Variants in SCARA5 observed in about 807,000 individuals in gnomAD.
The protein encoded by SCARA5 is scavenger receptor class A, member 5 (putative).
A neutral mutation model predicts 46.3 loss-of-function variants in SCARA5; 45 were observed. That is an observed-to-expected ratio of 0.97 (90% CI 0.76 to 1.24). The LOEUF (loss-of-function observed/expected upper bound fraction) is 1.24, where lower values mean the gene tolerates loss of function less well. SCARA5 is among the 50% of genes most tolerant of loss of function. SCARA5 has a pLI of 0.00. For synonymous variants in SCARA5, 333 were observed against 306.5 expected, an observed-to-expected ratio of 1.09 and a Z score of -0.90; for missense variants, 680 against 689.0, an observed-to-expected ratio of 0.99 and a Z score of 0.15.
At chr8:27,936,732 A>G (rs1446444668) in intron 3 of SCARA5, among the ~76,000 whole-genome samples, 1 of 152,090 alleles carries the variant, frequency 6.6e-6, no homozygotes, top group East Asian at 1.9e-4. Context: ...GAAGCATGGA[A>G]CACACACCGT....
chr8:27,945,951 G>T (rs117545225), intron 3 of SCARA5, among the ~76,000 whole-genome samples: 2 of 152,210 alleles, frequency 1.3e-5, no homozygotes, highest in Non-Finnish European at 2.9e-5. Flanking sequence ...TTTAAACATT[G>T]CTGATGACTG....
intron 3 of SCARA5, among the ~76,000 whole-genome samples, chr8:27,962,379 T>C (rs1465374968): frequency 6.6e-6 from 1 of 152,088 alleles, no homozygotes; most frequent in African/African-American, 2.4e-5. Flanking sequence ...AGACAGAAAA[T>C]AATTGGTGCA....
intron 7 of SCARA5, among the ~76,000 whole-genome samples, chr8:27,892,955 G>C (rs984870246): frequency 1.3e-5 from 2 of 151,986 alleles, no homozygotes; most frequent in African/African-American, 4.8e-5. Flanking sequence ...GGAGCAACAG[G>C]GCATGTCAAG....
At chr8:27,917,745 A>T (rs1197547287) in intron 4 of SCARA5, among the ~76,000 whole-genome samples, 1 of 152,224 alleles carries the variant, frequency 6.6e-6, no homozygotes, top group Non-Finnish European at 1.5e-5. Context: ...CTGCCTCATT[A>T]TAGGTCATAA....
intron 7 of SCARA5, among the ~76,000 whole-genome samples, chr8:27,884,683 G>A (rs1432724764): frequency 6.6e-6 from 1 of 152,208 alleles, no homozygotes; most frequent in Non-Finnish European, 1.5e-5. Flanking sequence ...TAGCCTCTCT[G>A]TTCTGGCCAG....
In SCARA5 at chr8:27,991,129, G is replaced by A. The variant is rs541024012; in HGVS notation, c.-16+1128C>T. ...AGGGCTCCCATCCTAGCTCCTCTGC[G>A]TATTGGTTTCTTGGGGGAACTTGGC... On this transcript the variant is annotated intron_variant, in intron 1 of 8. Transcript: ENST00000354914. Among the ~76,000 whole-genome samples, 94 of 152,340 alleles carry A rather than the reference G, an allele frequency of 6.2e-4. 1 individual carries two copies. Among genetic ancestry groups the A allele is most frequent in the Non-Finnish European group, 6.5e-4 (44 of 68,034 alleles).
intron 3 of SCARA5, among the ~76,000 whole-genome samples, chr8:27,958,502 G>C (rs571419559): frequency 6.6e-6 from 1 of 152,240 alleles, no homozygotes; most frequent in African/African-American, 2.4e-5. Flanking sequence ...GGTGAAATGC[G>C]TGCACGGGCT....
intron 2 of SCARA5, among the ~76,000 whole-genome samples, chr8:27,976,066 G>T (rs930790528): frequency 2.0e-5 from 3 of 152,112 alleles, no homozygotes; most frequent in African/African-American, 7.2e-5. Flanking sequence ...AATCAAGGGT[G>T]TGTGTGCTTG....
chr8:27,955,962 T>C (rs1237272918), intron 3 of SCARA5, among the ~76,000 whole-genome samples: 1 of 151,912 alleles, frequency 6.6e-6, no homozygotes, highest in East Asian at 1.9e-4. Context: ...TTTACAGAGA[T>C]GGAAAGGACT....
At chr8:27,975,125 T>C (rs2129959646) in intron 2 of SCARA5, among the ~76,000 whole-genome samples, 1 of 152,204 alleles carries the variant, frequency 6.6e-6, no homozygotes. Flanking sequence ...GAAGGTTGAG[T>C]TGATCATCAA....
intron 4 of SCARA5, among the ~76,000 whole-genome samples, chr8:27,914,042 G>A (rs1807420728): frequency 6.6e-6 from 1 of 152,092 alleles, no homozygotes; most frequent in South Asian, 2.1e-4. Context: ...GTTGTGGGAG[G>A]GACTCAGTGG....
chr8:27,907,294 A>C, intron 5 of SCARA5, 48 bp from the exon 6 acceptor site: 1 of 1,406,656 alleles, frequency 7.1e-7, no homozygotes, highest in Non-Finnish European at 1.0e-6. Context: ...CAGAACAGGA[A>C]GGACCCTCAG....
chr8:27,923,566 GT>G (rs1187216222), intron 3 of SCARA5, among the ~76,000 whole-genome samples: 4 of 152,068 alleles, frequency 2.6e-5, no homozygotes, highest in African/African-American at 4.8e-5. Flanking sequence ...TGTGTTTTCT[GT>G]TTTTGTTTTG....
intron 2 of SCARA5, 144 bp from the exon 3 acceptor site, chr8:27,966,686 G>C: frequency 1.2e-6 from 1 of 835,808 alleles, no homozygotes; most frequent in South Asian, 2.1e-5. Flanking sequence ...CTAGAATGCA[G>C]CCACTTGATG....
intron 2 of SCARA5, among the ~76,000 whole-genome samples, chr8:27,980,286 T>G (rs1477532113): frequency 6.6e-6 from 1 of 152,136 alleles, no homozygotes; most frequent in South Asian, 2.1e-4. Context: ...TGAGGAGAAC[T>G]GGGGGATGCC....
chr8:27,932,908 G>A (rs1470900345), intron 3 of SCARA5, among the ~76,000 whole-genome samples: 3 of 152,246 alleles, frequency 2.0e-5, no homozygotes, highest in African/African-American at 2.4e-5. Flanking sequence ...TGGGATTACA[G>A]GCGTCAGCCA....
intron 3 of SCARA5, among the ~76,000 whole-genome samples, chr8:27,950,642 C>A (rs1329373419): frequency 6.6e-6 from 1 of 152,120 alleles, no homozygotes; most frequent in Non-Finnish European, 1.5e-5. Context: ...TCTTAGCCCT[C>A]AGGATGCCTC....
intron 7 of SCARA5, among the ~76,000 whole-genome samples, chr8:27,900,601 A>C (rs1437198153): frequency 6.6e-6 from 1 of 152,146 alleles, no homozygotes; most frequent in African/African-American, 2.4e-5. Flanking sequence ...ATGAAACCAA[A>C]TTGAGAAAGA....
chr8:27,974,147 G>A (rs578206620), intron 2 of SCARA5, among the ~76,000 whole-genome samples: 17 of 152,268 alleles, frequency 1.1e-4, no homozygotes, highest in African/African-American at 4.1e-4. Flanking sequence ...CTCTTTCCCT[G>A]TATTAAGCAG....
Sources: allele counts gnomAD v4.1 joint callset (sites outside exome capture counted in the v4.1 genomes callset), GRCh38; gene constraint gnomAD v4.1.1; transcripts MANE v1.5; gene names NCBI Gene and HGNC (gene_info 2026-07-23, HGNC 2026-07-21).